Variants in TBL1XR1 observed in about 807,000 individuals in gnomAD.
TBL1XR1 encodes TBL1X/Y related 1.
A neutral mutation model predicts 66.9 loss-of-function variants in TBL1XR1; 5 were observed. The ratio of observed to expected loss-of-function variants is 0.07; its 90% CI spans 0.04 to 0.16. The LOEUF is 0.16. Ranked by LOEUF, TBL1XR1 falls within the 10% of genes least tolerant of loss-of-function variation. TBL1XR1 has a pLI of 1.00. For synonymous variants in TBL1XR1, 210 were observed against 206.0 expected (o/e 1.02, Z -0.17); for missense variants, 238 against 623.2 (o/e 0.38, Z 6.58).
At chr3:177,075,427 A>G (rs1169557592) in intron 2 of TBL1XR1, among the ~76,000 whole-genome samples, 1 of 152,262 alleles carries the variant, frequency 6.6e-6, no homozygotes, top group Non-Finnish European at 1.5e-5. Flanking sequence ...CAAATAAGTC[A>G]CATTCACAGG....
chr3:177,028,593 A>G (rs1307317197), intron 14 of TBL1XR1, among the ~76,000 whole-genome samples: 2 of 152,198 alleles, frequency 1.3e-5, no homozygotes, highest in East Asian at 1.9e-4. Flanking sequence ...AGAAACTATA[A>G]AACTTTACCA....
intron 12 of TBL1XR1, 109 bp downstream of exon 12, chr3:177,037,989 C>G (rs895220820): frequency 1.2e-6 from 1 of 814,722 alleles, no homozygotes; most frequent in African/African-American, 1.8e-5. Flanking sequence ...AGTTTTCATG[C>G]AGGTACAAAC....
intron 1 of TBL1XR1, among the ~76,000 whole-genome samples, chr3:177,143,764 AT>A (rs1729906436): frequency 1.3e-5 from 2 of 152,248 alleles, no homozygotes; most frequent in African/African-American, 4.8e-5. Context: ...ATTATATAAG[AT>A]GGGTCTCTGA....
intron 4 of TBL1XR1, among the ~76,000 whole-genome samples, chr3:177,052,510 A>G (rs1263132922): frequency 2.0e-5 from 3 of 152,200 alleles, no homozygotes; most frequent in Non-Finnish European, 4.4e-5. Context: ...AACAGGAGAA[A>G]GTATTTTAAC....
At chr3:177,085,860 C>T (rs9858226) in intron 2 of TBL1XR1, among the ~76,000 whole-genome samples, 47,215 of 151,966 alleles carry the variant, frequency 0.31, 7,755 homozygotes, top group East Asian at 0.58. Context: ...AAAACTCTCA[C>T]GATTCACCTC....
chr3:177,101,911 T>C (rs932801265), intron 1 of TBL1XR1, among the ~76,000 whole-genome samples: 16 of 152,146 alleles, frequency 1.1e-4, no homozygotes, highest in African/African-American at 3.9e-4. Context: ...TCTCTTATAC[T>C]AGAACCAAAT....
At chr3:177,116,108 T>C (rs375845610) in intron 1 of TBL1XR1, among the ~76,000 whole-genome samples, 2 of 152,292 alleles carry the variant, frequency 1.3e-5, no homozygotes, top group East Asian at 1.9e-4. Flanking sequence ...CTAAGGGCAA[T>C]GGAATTTTGA....
At chr3:177,114,614 A>G (rs1324186813) in intron 1 of TBL1XR1, among the ~76,000 whole-genome samples, 1 of 152,042 alleles carries the variant, frequency 6.6e-6, no homozygotes, top group African/African-American at 2.4e-5. Flanking sequence ...TATGTATTTC[A>G]AAAGATTTGT....
intron 1 of TBL1XR1, among the ~76,000 whole-genome samples, chr3:177,144,135 C>T (rs1321129920): frequency 1.3e-5 from 2 of 151,952 alleles, no homozygotes; most frequent in South Asian, 4.1e-4. Flanking sequence ...ATCCCAGCTA[C>T]TCAGGAGGCT....
At chr3:177,039,231 C>A (rs182857712) in intron 10 of TBL1XR1, among the ~76,000 whole-genome samples, 1 of 152,192 alleles carries the variant, frequency 6.6e-6, no homozygotes, top group African/African-American at 2.4e-5. Context: ...AAAAATGCAA[C>A]ACAATCCTGG....
chr3:177,185,351 G>GT (rs1374220953), intron 1 of TBL1XR1, among the ~76,000 whole-genome samples: 6 of 152,252 alleles, frequency 3.9e-5, no homozygotes, highest in African/African-American at 7.2e-5. Context: ...GCTCACGCCA[G>GT]TAATTCCAGC....
intron 14 of TBL1XR1, 99 bp from the exon 15 acceptor site, chr3:177,026,573 C>A: frequency 1.2e-6 from 1 of 822,974 alleles, no homozygotes; most frequent in South Asian, 2.2e-5. Flanking sequence ...TTCTAGCAAT[C>A]AGAGGAGGGA....
rs181224070 is a variant in TBL1XR1, at chr3:177,065,251, C to T, written c.-45-229G>A. ...AAGTAACATACTGGCAAAAATAAAACAAAATTTTTTAGAGGGCTTTAGCAT... is the reference window on the plus strand; with the variant it reads ...AAGTAACATACTGGCAAAAATAAAATAAAATTTTTTAGAGGGCTTTAGCAT... On this transcript the variant is annotated intron_variant, in intron 2 of 15. Coordinates refer to ENST00000457928, the MANE Select transcript of TBL1XR1 (RefSeq NM_024665.7). 1.1e-3 allele frequency among the ~76,000 whole-genome samples: 174 copies of T among 152,090 alleles called. 1 individual carries two copies. The Middle Eastern group carries it at 0.024, about 21-fold the overall frequency.
intron 1 of TBL1XR1, among the ~76,000 whole-genome samples, chr3:177,099,704 T>C (rs907036562): frequency 6.6e-6 from 1 of 152,234 alleles, no homozygotes; most frequent in African/African-American, 2.4e-5. Flanking sequence ...TAGCACAGAC[T>C]GAGGAAATGT....
At chr3:177,113,063 T>C (rs145794695) in intron 1 of TBL1XR1, among the ~76,000 whole-genome samples, 1 of 151,682 alleles carries the variant, frequency 6.6e-6, no homozygotes, top group Non-Finnish European at 1.5e-5. Flanking sequence ...AATCTACACA[T>C]TTACAGTCAA....
intron 1 of TBL1XR1, among the ~76,000 whole-genome samples, chr3:177,145,758 C>T (rs1730166634): frequency 6.6e-6 from 1 of 152,224 alleles, no homozygotes; most frequent in Admixed American, 6.5e-5. Context: ...GGTCAAAAGT[C>T]CATTTATCAG....
chr3:177,112,088 TATATA>T (rs1725655489), intron 1 of TBL1XR1, among the ~76,000 whole-genome samples: 1 of 51,394 alleles, frequency 1.9e-5, no homozygotes, highest in Non-Finnish European at 3.4e-5. Flanking sequence ...TATATATATA[TATATA>T]TATATATATA....
At chr3:177,047,871 G>A in intron 7 of TBL1XR1, 1 of 272,934 alleles carries the variant, frequency 3.7e-6, no homozygotes, top group Non-Finnish European at 6.9e-6. Flanking sequence ...AAGGTAGAGT[G>A]GTGGACTGGG....
At chr3:177,145,723 G>A (rs2108835001) in intron 1 of TBL1XR1, among the ~76,000 whole-genome samples, 1 of 152,360 alleles carries the variant, frequency 6.6e-6, no homozygotes, top group Admixed American at 6.5e-5. Context: ...AAAGAGGAAT[G>A]ACAGTGGTCA....
Sources: allele counts gnomAD v4.1 joint callset (sites outside exome capture counted in the v4.1 genomes callset), GRCh38; gene constraint gnomAD v4.1.1; transcripts MANE v1.5; gene names NCBI Gene and HGNC (gene_info 2026-07-23, HGNC 2026-07-21).